Variants in SMYD3 observed in about 807,000 individuals in gnomAD.
SMYD3 encodes histone-lysine N-methyltransferase SMYD3.
In SMYD3, 36 loss-of-function variants were observed where a neutral mutation model predicts 57.7. The observed-to-expected ratio is 0.62, with a 90% CI of 0.48 to 0.82. The LOEUF (loss-of-function observed/expected upper bound fraction) is 0.82. Among genes scored for constraint, SMYD3 ranks in the 40% least tolerant of loss-of-function variants. The pLI is 0.00. For missense variants in SMYD3, 515 were observed against 538.8 expected, an observed-to-expected ratio of 0.96 and a Z score of 0.44; for synonymous variants, 211 against 195.0, an observed-to-expected ratio of 1.08 and a Z score of -0.68.
intron 5 of SMYD3, among the ~76,000 whole-genome samples, chr1:246,088,002 A>G (rs2060748539): frequency 6.6e-6 from 1 of 151,974 alleles, no homozygotes; most frequent in Non-Finnish European, 1.5e-5. Context: ...ACTAATAAGG[A>G]AAAAAAAGAG....
At chr1:246,055,019 C>T (rs1558186978) in intron 5 of SMYD3, among the ~76,000 whole-genome samples, 2 of 151,146 alleles carry the variant, frequency 1.3e-5, no homozygotes, top group Non-Finnish European at 3.0e-5. Flanking sequence ...ACTAAAAATA[C>T]AAAAAAATTA....
intron 5 of SMYD3, among the ~76,000 whole-genome samples, chr1:246,159,506 T>C (rs535272957): frequency 3.3e-5 from 5 of 151,958 alleles, no homozygotes; most frequent in Non-Finnish European, 7.4e-5. Context: ...ACAGATACAG[T>C]AAAGCTAAGG....
chr1:245,858,574 C>T lies in SMYD3; in HGVS notation c.998G>A (p.Cys333Tyr). 6.2e-7 allele frequency: 1 copy of T among 1,614,222 alleles called. No homozygotes were observed. Among genetic ancestry groups the T allele is most frequent in the Non-Finnish European group, 8.5e-7 (1 of 1,180,056 alleles). ...INIYQLKVLD[C>Y]AMDACINLGL... ...GAGGTTGATGCAGGCATCCATGGCG[C>T]AGTCGAGCACCTTCAGCTGGTAGAT... Residue 333 changes from cysteine to tyrosine, a missense_variant, in exon 10 of 12, where the codon TGC (cysteine) becomes TAC (tyrosine). Physicochemically the swap from Cys to Tyr is radical, Grantham distance 194. Transcript: ENST00000490107.
chr1:246,075,075 C>G (rs2060524603), intron 5 of SMYD3, among the ~76,000 whole-genome samples: 1 of 151,968 alleles, frequency 6.6e-6, no homozygotes, highest in African/African-American at 2.4e-5. Flanking sequence ...AAAAAAAATT[C>G]AATCAATGAA....
chr1:246,438,616 G>T (rs1380603526), intron 1 of SMYD3, among the ~76,000 whole-genome samples: 3 of 152,168 alleles, frequency 2.0e-5, no homozygotes, highest in Non-Finnish European at 2.9e-5. Context: ...TATAAACTAT[G>T]CATATCCTCT....
At position 246,327,270 on chromosome 1, in the gene SMYD3, G is replaced by T. The variant is rs763764600; in HGVS notation, c.462C>A (p.Phe154Leu). Residue 154 changes from phenylalanine (F) to leucine (L), a missense_variant, in exon 5 of 12, where the codon TTC (phenylalanine) becomes TTA (leucine). Coordinates refer to ENST00000490107, the MANE Select transcript of SMYD3 (RefSeq NM_001167740.2). The part of the protein sequence containing the change: ...LRQLVMTFQH[F>L]MREEIQDASQ... ...AGGCATCCTGTATTTCTTCTCTCAT[G>T]AAATGTTGAAATGTCATTACGAGTT... The T allele has an allele frequency of 3.7e-6, 6 of 1,614,120 alleles. No individual in the cohort carries two copies. The highest frequency in any genetic ancestry group is 1.7e-5 in the Admixed American group (1 of 60,032).
At chr1:245,848,208 C>T (rs2050763417) in intron 10 of SMYD3, among the ~76,000 whole-genome samples, 1 of 151,996 alleles carries the variant, frequency 6.6e-6, no homozygotes, top group African/African-American at 2.4e-5. Flanking sequence ...TCAAGTGATC[C>T]TTCCTTCCAC....
At chr1:246,289,197 G>A (rs561728048) in intron 5 of SMYD3, among the ~76,000 whole-genome samples, 2 of 152,272 alleles carry the variant, frequency 1.3e-5, no homozygotes, top group East Asian at 1.9e-4. Flanking sequence ...AGGGAGCTGT[G>A]TGGCCTTCTC....
At chr1:246,272,010 C>T (rs1213024082) in intron 5 of SMYD3, among the ~76,000 whole-genome samples, 1 of 152,106 alleles carries the variant, frequency 6.6e-6, no homozygotes, top group Non-Finnish European at 1.5e-5. Context: ...AAGTTTTTAA[C>T]CTCCTTGTTA....
intron 5 of SMYD3, among the ~76,000 whole-genome samples, chr1:246,183,152 T>A (rs1366354962): frequency 6.6e-6 from 1 of 152,082 alleles, no homozygotes; most frequent in Non-Finnish European, 1.5e-5. Context: ...GTGTTTCACA[T>A]AAGAGAAACT....
chr1:245,788,255 G>C (rs1445926888), intron 10 of SMYD3, among the ~76,000 whole-genome samples: 1 of 151,972 alleles, frequency 6.6e-6, no homozygotes, highest in Non-Finnish European at 1.5e-5. Context: ...TTAGCACAGG[G>C]AACAGGGCAA....
chr1:245,954,990 GC>G (rs1180795596), intron 5 of SMYD3, among the ~76,000 whole-genome samples: 5 of 152,112 alleles, frequency 3.3e-5, no homozygotes, highest in East Asian at 1.9e-4. Context: ...GACATCAAAC[GC>G]CCCCTATAAT....
intron 5 of SMYD3, chr1:246,052,428 A>G (rs1049254822): frequency 2.6e-5 from 4 of 151,328 alleles, no homozygotes; most frequent in African/African-American, 4.9e-5. Context: ...AGATAACAGG[A>G]AAAAAAAACC....
chr1:246,154,565 A>G (rs954510078), intron 5 of SMYD3, among the ~76,000 whole-genome samples: 1 of 152,192 alleles, frequency 6.6e-6, no homozygotes. Flanking sequence ...GTAGAATAGT[A>G]ATTAACATTT....
chr1:245,750,314 T>C (rs549350551), intron 11 of SMYD3, among the ~76,000 whole-genome samples: 1 of 152,296 alleles, frequency 6.6e-6, no homozygotes, highest in African/African-American at 2.4e-5. Context: ...GTCAGTATGT[T>C]TGCTCCCAGA....
intron 5 of SMYD3, among the ~76,000 whole-genome samples, chr1:246,091,288 C>T (rs902211343): frequency 2.0e-5 from 3 of 152,148 alleles, no homozygotes; most frequent in African/African-American, 4.8e-5. Context: ...CTGGGGCTAC[C>T]GCCCAGTATT....
At chr1:245,779,100 C>A (rs549294793) in intron 10 of SMYD3, among the ~76,000 whole-genome samples, 1 of 149,032 alleles carries the variant, frequency 6.7e-6, no homozygotes, top group African/African-American at 2.5e-5. Flanking sequence ...GAGGAGGGTG[C>A]AATGAGCCAA....
chr1:246,119,010 TTTTTATTTTTAA>T (rs2061383112), intron 5 of SMYD3, among the ~76,000 whole-genome samples: 1 of 112,130 alleles, frequency 8.9e-6, no homozygotes, highest in South Asian at 3.2e-4. Context: ...ACGTCATTTA[TTTTTATTTTTAA>T]TTTTATTATT....
At chr1:246,344,097 G>T (rs2065673238) in intron 2 of SMYD3, among the ~76,000 whole-genome samples, 1 of 151,964 alleles carries the variant, frequency 6.6e-6, no homozygotes, top group South Asian at 2.1e-4. Flanking sequence ...TGTCCAGGCT[G>T]GTCTCTAACT....
Sources: allele counts gnomAD v4.1 joint callset (sites outside exome capture counted in the v4.1 genomes callset), GRCh38; gene constraint gnomAD v4.1.1; transcripts MANE v1.5; gene names NCBI Gene and HGNC (gene_info 2026-07-23, HGNC 2026-07-21).